NUP188: variants seen among roughly 807,000 people sequenced by gnomAD.
NUP188 encodes nucleoporin NUP188.
A neutral mutation model predicts 223.0 loss-of-function variants in NUP188; 97 were observed. The observed-to-expected ratio is 0.43, with a 90% confidence interval of 0.37 to 0.51. The LOEUF is 0.51. Among genes scored for constraint, NUP188 ranks in the 20% least tolerant of loss-of-function variants. NUP188 has a pLI of 0.00. For missense variants in NUP188, 1,947 were observed against 2,175.6 expected (o/e 0.89, Z 2.09); for synonymous variants, 869 against 828.0 (o/e 1.05, Z -0.85).
Position 128,947,914 on chromosome 9 carries a change from CCG to C in NUP188, c.32+170_32+171del, listed in dbSNP as rs1031985630. ...GGAGGCGGTTACGTCCAAACGGTCC[CCG>C]CGCGCGGGGATCTGAAGAGTCTTCT... is the stretch of plus-strand genomic sequence containing the variant. On this transcript the variant is annotated intron_variant, in intron 1 of 43. Coordinates refer to ENST00000372577, the MANE Select transcript of NUP188 (RefSeq NM_015354.3). The C allele has an allele frequency of 2.4e-5, 13 of 535,602 alleles. No homozygotes were observed. In the Admixed American group the frequency reaches 4.1e-4, roughly 17 times the overall value. The allele number at this position is 535,602 out of a possible 1,614,324, so 33.2% of individuals were successfully genotyped here. A position where few individuals can be genotyped will look rare whatever the true frequency, so the allele number is the denominator to read the frequency against.
intron 12 of NUP188, among the ~76,000 whole-genome samples, chr9:128,977,545 C>T (rs1842193580): frequency 6.6e-6 from 1 of 152,114 alleles, no homozygotes; most frequent in East Asian, 1.9e-4. Flanking sequence ...CACAGTGGCT[C>T]ATGTCTGTAA....
chr9:128,981,174 G>GT, intron 14 of NUP188, 90 bp from the exon 15 acceptor site: 1 of 1,494,202 alleles, frequency 6.7e-7, no homozygotes, highest in South Asian at 1.3e-5. Context: ...CTTGCAAGAA[G>GT]TTTGAGAGTC....
chr9:129,005,904 A>G, intron 41 of NUP188, 128 bp downstream of exon 41: 9 of 1,418,124 alleles, frequency 6.3e-6, no homozygotes, highest in Non-Finnish European at 8.7e-6. Flanking sequence ...CTGTAAACTG[A>G]ACATGACAGC....
intron 37 of NUP188, 98 bp from the exon 38 acceptor site, chr9:129,003,217 TTG>T: frequency 7.1e-7 from 1 of 1,415,774 alleles, no homozygotes; most frequent in Non-Finnish European, 9.6e-7. Context: ...AACTCAGCAT[TTG>T]GGGGCCTGGG....
In NUP188 at chr9:128,970,836, C is replaced by T; in HGVS notation, c.991C>T (p.His331Tyr). Reference protein sequence around the residue: ...PVLLAWALLRHTLNPEETSSV... With the variant: ...PVLLAWALLRYTLNPEETSSV... ...GCTTTTGGCCTGGGCTCTCCTCCGT[C>T]ACACTCTGAACCCAGAAGAGACAAG... The change falls in exon 11 of 44, where the codon CAC (histidine) becomes TAC (tyrosine). Residue 331 changes from histidine to tyrosine, a missense_variant. This residue lies in a region of NUP188 where 817 missense variants were observed against 865.8 expected (regional missense o/e 0.94). Coordinates refer to ENST00000372577, the MANE Select transcript of NUP188 (RefSeq NM_015354.3). The T allele has an allele frequency of 6.2e-7, 1 of 1,614,140 alleles. No individual in the cohort carries two copies. The highest frequency in any genetic ancestry group is 8.5e-7 in the Non-Finnish European group (1 of 1,180,012).
At position 128,995,486 on chromosome 9, in the gene NUP188, G is replaced by A; in HGVS notation, c.3323G>A (p.Arg1108Lys). The change falls in exon 30 of 44, where the codon AGG becomes AAG. Residue 1108 changes from arginine to lysine, a missense_variant. By Grantham distance (26) the Arg-to-Lys change is conservative. This residue lies in a region of NUP188 where 905 missense variants were observed against 990.6 expected (regional missense o/e 0.91). Coordinates refer to ENST00000372577, the MANE Select transcript of NUP188 (RefSeq NM_015354.3). ...TACCAGATGCTGGTGTCCGCCTGGA[G>A]GATGCTTCTCATCATTGCCACCACT... The part of the protein sequence containing the change: ...LEYQMLVSAW[R>K]MLLIIATTHA... 6.2e-7 allele frequency: 1 copy of A among 1,604,742 alleles called. No homozygotes were observed. Among genetic ancestry groups the A allele is most frequent in the Non-Finnish European group, 8.5e-7 (1 of 1,175,762 alleles).
chr9:129,006,550 A>G lies in NUP188; in HGVS notation c.5122A>G (p.Ser1708Gly), dbSNP rs745531014. The G allele has an allele frequency of 1.9e-6, 3 of 1,614,072 alleles. No individual in the cohort carries two copies. The highest frequency in any genetic ancestry group is 2.2e-5 in the East Asian group (1 of 44,876). ...GCGCTACTTCCGCCGGGGAGCCCCC[A>G]GCTCCCCTGCCACTGGTGTCCTCCC... Reference protein sequence around the residue: ...LSRYFRRGAPSSPATGVLPSP... With the variant: ...LSRYFRRGAPGSPATGVLPSP... Residue 1708 changes from serine to glycine, a missense_variant, in exon 44 of 44, where the codon AGC (serine) becomes GGC (glycine). By Grantham distance (56) the Ser-to-Gly change is moderately conservative. Coordinates refer to ENST00000372577, the MANE Select transcript of NUP188 (RefSeq NM_015354.3).
chr9:128,982,489 A>T, intron 15 of NUP188, 60 bp from the exon 16 acceptor site: 1 of 1,391,214 alleles, frequency 7.2e-7, no homozygotes, highest in Non-Finnish European at 1.0e-6. Flanking sequence ...GATGTCTGGT[A>T]GAGGAGTTAC....
Position 128,986,895 on chromosome 9 carries a change from T to G in NUP188, c.2264+20T>G. 6 of 1,607,946 alleles carry G rather than the reference T, an allele frequency of 3.7e-6. No homozygotes were observed. The highest frequency in any genetic ancestry group is 5.1e-6 in the Non-Finnish European group (6 of 1,174,970). ...CAGCAGGTAATGAAGGGTTGATTACTAGAGCTTGGTGCTCGCCAAGGCAAG... is the reference window on the plus strand; with the variant it reads ...CAGCAGGTAATGAAGGGTTGATTACGAGAGCTTGGTGCTCGCCAAGGCAAG... On this transcript the variant is annotated intron_variant, in intron 22 of 43. Coordinates refer to ENST00000372577, the MANE Select transcript of NUP188 (RefSeq NM_015354.3).
At chr9:128,978,965 C>G (rs775345048) in intron 12 of NUP188, among the ~76,000 whole-genome samples, 1 of 152,208 alleles carries the variant, frequency 6.6e-6, no homozygotes, top group Non-Finnish European at 1.5e-5. Context: ...CCGGCCTTGC[C>G]TCCCAAAGTG....
At chr9:128,961,884 C>T (rs1312101977) in intron 8 of NUP188, among the ~76,000 whole-genome samples, 1 of 146,214 alleles carries the variant, frequency 6.8e-6, no homozygotes, top group East Asian at 2.1e-4. Flanking sequence ...GCCTCCAAAG[C>T]GCTGGGATTA....
At chr9:128,980,572 G>A (rs1311604155) in intron 13 of NUP188, 34 bp from the exon 14 acceptor site, 1 of 1,584,688 alleles carries the variant, frequency 6.3e-7, no homozygotes, top group Non-Finnish European at 8.6e-7. Context: ...TGTGGATAAT[G>A]TGAAGATCAG....
At position 128,987,682 on chromosome 9, in the gene NUP188, C is replaced by T; in HGVS notation, c.2358C>T (p.Asp786=). The T allele has an allele frequency of 6.2e-7, 1 of 1,614,000 alleles. No homozygotes were observed. The highest frequency in any genetic ancestry group is 8.5e-7 in the Non-Finnish European group (1 of 1,179,954). The part of the protein sequence containing the change: ...TVINIMGIGV[D]TIDMVMAAQP... Reference sequence around the variant, plus strand: ...TCAATATCATGGGCATTGGCGTGGACACCATTGACATGGTGATGGCTGCTC... The same window carrying T: ...TCAATATCATGGGCATTGGCGTGGATACCATTGACATGGTGATGGCTGCTC... The change falls in exon 23 of 44, where the codon GAC becomes GAT. Residue 786 remains aspartate (D), a synonymous_variant. Coordinates refer to ENST00000372577, the MANE Select transcript of NUP188 (RefSeq NM_015354.3).
At chr9:128,961,294 C>T (rs1841947250) in intron 8 of NUP188, among the ~76,000 whole-genome samples, 1 of 150,636 alleles carries the variant, frequency 6.6e-6, no homozygotes, top group South Asian at 2.1e-4. Context: ...TGCACCACTG[C>T]ACTCCAGCCT....
At chr9:128,998,785 T>C (rs1256972503) in intron 32 of NUP188, among the ~76,000 whole-genome samples, 162 bp downstream of exon 32, 1 of 151,842 alleles carries the variant, frequency 6.6e-6, no homozygotes, top group Non-Finnish European at 1.5e-5. Context: ...GACTGGTGGA[T>C]ATCCTGAGAT....
In NUP188 at chr9:129,006,837, T is replaced by G; in HGVS notation, c.*159T>G. The G allele has an allele frequency of 1.5e-6, 1 of 669,632 alleles. No homozygotes were observed. The highest frequency in any genetic ancestry group is 2.9e-5 in the East Asian group (1 of 33,944). 41.5% of individuals were successfully genotyped at this position (669,632 alleles called of 1,614,324 possible). A position where few individuals can be genotyped will look rare whatever the true frequency, so the allele number is the denominator to read the frequency against. On this transcript the variant is annotated 3_prime_UTR_variant, in exon 44 of 44. Coordinates refer to ENST00000372577, the MANE Select transcript of NUP188 (RefSeq NM_015354.3). ...CTCCAGCCACCACCCACTGACGTTA[T>G]TTTTATACTAGATGAAGAGGTCAAC...
At chr9:128,991,611 G>A (rs117657952) in intron 25 of NUP188, among the ~76,000 whole-genome samples, 1 of 151,966 alleles carries the variant, frequency 6.6e-6, no homozygotes, top group East Asian at 2.0e-4. Flanking sequence ...GGAGGCCCAG[G>A]TGGGTGGCTT....
chr9:128,983,357 T>C lies in NUP188; in HGVS notation c.1861T>C (p.Leu621=). 6.2e-7 allele frequency: 1 copy of C among 1,614,174 alleles called. No homozygotes were observed. Among genetic ancestry groups the C allele is most frequent in the East Asian group, 2.2e-5 (1 of 44,884 alleles). The change falls in exon 18 of 44, where the codon TTG becomes CTG. Residue 621 remains leucine, a synonymous_variant. Transcript: ENST00000372577. ...IASCVNCLTV[L]AARNPAKVWT... is the part of the protein sequence containing the mutation. ...TTCTTGTGTCAACTGCTTAACTGTTTTGGCTGCCCGCAATCCAGCAAAGGT... is the reference window on the plus strand; with the variant it reads ...TTCTTGTGTCAACTGCTTAACTGTTCTGGCTGCCCGCAATCCAGCAAAGGT...
At chr9:128,966,973 AATT>A (rs1210776802) in intron 8 of NUP188, among the ~76,000 whole-genome samples, 1 of 152,148 alleles carries the variant, frequency 6.6e-6, no homozygotes, top group Non-Finnish European at 1.5e-5. Context: ...CCACATAATG[AATT>A]ATTATGCAAA....
Sources: gnomAD v4.1 joint callset for allele counts (sites outside exome capture counted in the v4.1 genomes callset) on GRCh38, gnomAD v4.1.1 for gene constraint, gnomAD v4.1.1 regional missense constraint, MANE v1.5 for transcripts, NCBI Gene and HGNC (gene_info 2026-07-23, HGNC 2026-07-21) for gene names.